SFSWAP: variants seen among roughly 807,000 people sequenced by gnomAD.
The protein encoded by SFSWAP is splicing factor SWAP.
A neutral mutation model predicts 100.7 loss-of-function variants in SFSWAP; 17 were observed. The ratio of observed to expected loss-of-function variants is 0.17; its 90% confidence interval spans 0.12 to 0.25. SFSWAP has a LOEUF of 0.25. SFSWAP is among the 10% of genes least tolerant of loss of function. The probability of loss-of-function intolerance (pLI) is 1.00; values close to 1 mark genes in which losing one functional copy is unlikely to be tolerated. For synonymous variants in SFSWAP, 504 were observed against 510.1 expected (o/e 0.99, Z 0.16); for missense variants, 1,005 against 1,262.6 (o/e 0.80, Z 3.09).
At chr12:131,771,353 GGTCT>G (rs1479769282) in intron 13 of SFSWAP, among the ~76,000 whole-genome samples, 3 of 152,108 alleles carry the variant, frequency 2.0e-5, no homozygotes, top group Non-Finnish European at 2.9e-5. Flanking sequence ...GTGAGCTGTG[GGTCT>G]GTCTTTGTGA....
chr12:131,747,890 C>T (rs1881285310), intron 7 of SFSWAP, among the ~76,000 whole-genome samples: 1 of 152,214 alleles, frequency 6.6e-6, no homozygotes, highest in African/African-American at 2.4e-5. Flanking sequence ...ATTTTGCAGC[C>T]ATCAAGTATA....
chr12:131,787,625 G>T (rs1224730926), intron 15 of SFSWAP, among the ~76,000 whole-genome samples: 1 of 152,196 alleles, frequency 6.6e-6, no homozygotes, highest in Non-Finnish European at 1.5e-5. Flanking sequence ...GTGCATGGGG[G>T]TCAGGACACT....
At chr12:131,742,930 G>T (rs539980011) in intron 7 of SFSWAP, among the ~76,000 whole-genome samples, 1 of 152,196 alleles carries the variant, frequency 6.6e-6, no homozygotes, top group South Asian at 2.1e-4. Context: ...GCAAGGAGGA[G>T]CAAGTCATGT....
chr12:131,783,635 T>A (rs1469674132), intron 14 of SFSWAP: 1 of 150,946 alleles, frequency 6.6e-6, no homozygotes, highest in East Asian at 2.0e-4. Flanking sequence ...TACAAAAAAT[T>A]AGCCGGGCGT....
chr12:131,756,987 ATTAAT>A (rs1882233385), intron 11 of SFSWAP: 1 of 202,372 alleles, frequency 4.9e-6, no homozygotes, highest in Admixed American at 5.3e-5. Flanking sequence ...AAATTCATTT[ATTAAT>A]TTGTCAAAGC....
chr12:131,760,180 A>T (rs1200823414), intron 11 of SFSWAP, among the ~76,000 whole-genome samples: 1 of 152,224 alleles, frequency 6.6e-6, no homozygotes, highest in African/African-American at 2.4e-5. Flanking sequence ...TGTCTTAAGA[A>T]CTGAAGCTGT....
intron 13 of SFSWAP, among the ~76,000 whole-genome samples, chr12:131,775,503 G>T (rs1275223016): frequency 6.6e-6 from 1 of 152,134 alleles, no homozygotes; most frequent in African/African-American, 2.4e-5. Context: ...TGATTTCTCT[G>T]GTGTCCACCC....
At chr12:131,781,443 T>C (rs1032912264) in intron 14 of SFSWAP, among the ~76,000 whole-genome samples, 1 of 151,824 alleles carries the variant, frequency 6.6e-6, no homozygotes, top group Non-Finnish European at 1.5e-5. Context: ...TTCACCGTGT[T>C]AGCCAGGATG....
At chr12:131,742,225 T>C (rs1287108066) in intron 7 of SFSWAP, among the ~76,000 whole-genome samples, 2 of 152,202 alleles carry the variant, frequency 1.3e-5, no homozygotes, top group African/African-American at 2.4e-5. Context: ...GGCAGGTCAT[T>C]GGCATTTCCA....
chr12:131,754,618 C>T (rs1485507380), intron 9 of SFSWAP, 119 bp downstream of exon 9: 4 of 277,038 alleles, frequency 1.4e-5, no homozygotes, highest in East Asian at 8.7e-5. Context: ...CTTTTCTTGG[C>T]TCAAATGTCT....
chr12:131,729,130 C>G (rs1367146617), intron 7 of SFSWAP, among the ~76,000 whole-genome samples: 1 of 152,186 alleles, frequency 6.6e-6, no homozygotes, highest in Non-Finnish European at 1.5e-5. Context: ...CGTTGCTGCC[C>G]TAAACAAAGT....
At chr12:131,783,586 A>G (rs1320240155) in intron 14 of SFSWAP, 1 of 151,348 alleles carries the variant, frequency 6.6e-6, no homozygotes, top group African/African-American at 2.4e-5. Flanking sequence ...GGTTGAGACC[A>G]TCCTGGCTAA....
At chr12:131,754,598 A>G in intron 9 of SFSWAP, 99 bp downstream of exon 9, 1 of 308,840 alleles carries the variant, frequency 3.2e-6, no homozygotes, top group Non-Finnish European at 5.0e-6. Context: ...TTTTTTATAT[A>G]TTTTTAAGCC....
chr12:131,711,502 G>A lies in SFSWAP; in HGVS notation c.218+55G>A. ...TCCCTTCCCTCACCCGCTTGATCTC[G>A]TCTGATGTTGACTTGACTGCAAGGA... On this transcript the variant is annotated intron_variant, in intron 1 of 17. Transcript: ENST00000261674. This position sits in a 1 kb window ranked among gnomAD's most constrained non-coding sequence, Gnocchi z 4.9. 3 of 1,434,518 alleles carry A rather than the reference G, an allele frequency of 2.1e-6. No individual in the cohort carries two copies. The highest frequency in any genetic ancestry group is 2.9e-6 in the Non-Finnish European group (3 of 1,025,658). 88.9% of individuals were successfully genotyped at this position (1,434,518 alleles called of 1,614,324 possible). A position where few individuals can be genotyped will look rare whatever the true frequency, so the allele number is the denominator to read the frequency against.
intron 7 of SFSWAP, among the ~76,000 whole-genome samples, chr12:131,748,047 A>G (rs891835998): frequency 5.3e-5 from 8 of 152,168 alleles, no homozygotes; most frequent in Non-Finnish European, 1.0e-4. Context: ...GGATGCCTGG[A>G]GAGCCGGGAG....
Position 131,711,669 on chromosome 12 carries a change from C to T in SFSWAP, c.218+222C>T. ...CTGGAATTGCGTGCCGCGTCCGTCT[C>T]CGGAGGGATCGTCTCTGGTCCCGCA... On this transcript the variant is annotated intron_variant, in intron 1 of 17. Transcript: ENST00000261674. This position sits in a 1 kb window ranked among gnomAD's most constrained non-coding sequence, Gnocchi z 4.9. The T allele has an allele frequency of 1.8e-6, 1 of 549,928 alleles. No individual in the cohort carries two copies. Among genetic ancestry groups the T allele is most frequent in the East Asian group, 3.1e-5 (1 of 32,312 alleles). The allele number at this position is 549,928 out of a possible 1,614,324, so 34.1% of individuals were successfully genotyped here. A position where few individuals can be genotyped will look rare whatever the true frequency, so the allele number is the denominator to read the frequency against.
chr12:131,782,008 A>G (rs556873581), intron 14 of SFSWAP, among the ~76,000 whole-genome samples: 1 of 152,350 alleles, frequency 6.6e-6, no homozygotes, highest in Non-Finnish European at 1.5e-5. Flanking sequence ...AGAGACCGGC[A>G]GTGCCGTGGT....
At chr12:131,729,425 C>A (rs1879296600) in intron 7 of SFSWAP, among the ~76,000 whole-genome samples, 1 of 152,058 alleles carries the variant, frequency 6.6e-6, no homozygotes, top group African/African-American at 2.4e-5. Flanking sequence ...GATGGCTTAG[C>A]CCCAGGAGGT....
intron 3 of SFSWAP, among the ~76,000 whole-genome samples, chr12:131,715,564 A>G (rs982619655): frequency 6.6e-6 from 1 of 152,268 alleles, no homozygotes; most frequent in Non-Finnish European, 1.5e-5. Context: ...CTCGTGTAGT[A>G]TAGACACAAA....
Sources: gnomAD v4.1 joint callset for allele counts (sites outside exome capture counted in the v4.1 genomes callset) on GRCh38, gnomAD v4.1.1 for gene constraint, Gnocchi (gnomAD v3.1) non-coding constraint, MANE v1.5 for transcripts, NCBI Gene and HGNC (gene_info 2026-07-23, HGNC 2026-07-21) for gene names.